Variants in POLR1E observed in about 807,000 individuals in gnomAD.
The protein encoded by POLR1E is RNA polymerase I subunit E, also known as DNA-directed RNA polymerase I subunit RPA49.
POLR1E carries 37 observed loss-of-function variants against 50.9 expected under a neutral mutation model. The observed-to-expected ratio is 0.73, with a 90% CI of 0.56 to 0.96. The LOEUF (loss-of-function observed/expected upper bound fraction) is 0.96, where lower values mean the gene tolerates loss of function less well. Ranked by LOEUF, POLR1E falls within the 40% of genes least tolerant of loss-of-function variation. The pLI is 0.00. For synonymous variants in POLR1E, 166 were observed against 191.6 expected (o/e 0.87, Z 1.10); for missense variants, 426 against 518.1 (o/e 0.82, Z 1.73).
chr9:37,495,389 C>T lies in POLR1E; in HGVS notation c.655+113C>T. ...TGTTCTGTGACATTCACAAGAGCTC[C>T]ATCCAAACCTTTGCAGTTGCTCAGT... On this transcript the variant is annotated intron_variant, in intron 7 of 11. Transcript: ENST00000377798. The T allele has an allele frequency of 7.8e-6, 7 of 900,654 alleles. No individual in the cohort carries two copies. In the South Asian group the frequency reaches 8.2e-5, roughly 11 times the overall value. 55.8% of individuals were successfully genotyped at this position (900,654 alleles called of 1,614,324 possible).
At chr9:37,500,800 G>T (rs1456380525) in intron 9 of POLR1E, 40 bp from the exon 10 acceptor site, 1 of 1,528,730 alleles carries the variant, frequency 6.5e-7, no homozygotes. Context: ...TGGCCTGAGG[G>T]TTTTGAGAGA....
chr9:37,486,431 C>T (rs1363062092), intron 1 of POLR1E: 39 of 1,538,236 alleles, frequency 2.5e-5, no homozygotes, highest in Non-Finnish European at 3.3e-5. Context: ...TTCCTTCTGT[C>T]ACTTTAGGTA....
intron 10 of POLR1E, 48 bp downstream of exon 10, chr9:37,500,969 GGGGGTT>G (rs758560751): frequency 1.7e-4 from 256 of 1,530,552 alleles, no homozygotes; most frequent in Non-Finnish European, 2.3e-4. Context: ...GAAAGTAGGT[GGGGGTT>G]GGGAGTGAGG....
At chr9:37,487,967 A>G in intron 3 of POLR1E, 28 bp downstream of exon 3, 1 of 1,610,188 alleles carries the variant, frequency 6.2e-7, no homozygotes, top group Non-Finnish European at 8.5e-7. Context: ...GACAGTGGGA[A>G]GGGTGATGGG....
chr9:37,495,152 G>T lies in POLR1E; in HGVS notation c.548-17G>T. The T allele has an allele frequency of 6.3e-7, 1 of 1,598,910 alleles. No individual in the cohort carries two copies. Among genetic ancestry groups the T allele is most frequent in the South Asian group, 1.1e-5 (1 of 90,768 alleles). On this transcript the variant is annotated splice_polypyrimidine_tract_variant and intron_variant, in intron 6 of 11. Coordinates refer to ENST00000377798, the MANE Select transcript of POLR1E (RefSeq NM_022490.4). ...AAACAAACAGGGTGATACATGGATT[G>T]TTTCTTTATTGAAAAGCTCTGGTCA...
intron 8 of POLR1E, among the ~76,000 whole-genome samples, chr9:37,497,073 C>T (rs146693313): frequency 1.3e-5 from 2 of 152,208 alleles, no homozygotes; most frequent in East Asian, 3.9e-4. Context: ...GAAACTTGCC[C>T]CGCTGGGCAC....
In POLR1E at chr9:37,486,841, C is replaced by T. The variant is rs756019119; in HGVS notation, c.180+35C>T. 6.3e-6 allele frequency: 10 copies of T among 1,580,808 alleles called. No homozygotes were observed. In the Admixed American group the frequency reaches 1.7e-4, roughly 27 times the overall value. The stretch of plus-strand genomic sequence containing the variant: ...GCAGTTGCCAGCTGTCTCCACTCTG[C>T]AGGGCTCAGAAGGCCCCTGGGAGTG... On this transcript the variant is annotated intron_variant, in intron 2 of 11. Coordinates refer to ENST00000377798, the MANE Select transcript of POLR1E (RefSeq NM_022490.4).
In POLR1E at chr9:37,495,381, A is replaced by G. The variant is rs147442165; in HGVS notation, c.655+105A>G. ...GGTGTCTGTGTTCTGTGACATTCAC[A>G]AGAGCTCCATCCAAACCTTTGCAGT... On this transcript the variant is annotated intron_variant, in intron 7 of 11. Coordinates refer to ENST00000377798, the MANE Select transcript of POLR1E (RefSeq NM_022490.4). 1.2e-4 allele frequency: 115 copies of G among 954,322 alleles called. No individual in the cohort carries two copies. In the East Asian group the frequency reaches 1.9e-3, roughly 16 times the overall value. 59.1% of individuals were successfully genotyped at this position (954,322 alleles called of 1,614,324 possible). A position where few individuals can be genotyped will look rare whatever the true frequency, so the allele number is the denominator to read the frequency against.
chr9:37,488,031 G>C, intron 3 of POLR1E, 92 bp downstream of exon 3: 2 of 1,315,856 alleles, frequency 1.5e-6, no homozygotes, highest in South Asian at 1.2e-5. Context: ...TTTAAGGGTA[G>C]CAGGAGCCAT....
chr9:37,503,182 A>G lies in POLR1E; in HGVS notation c.1240A>G (p.Lys414Glu), dbSNP rs1228147634. 6.2e-7 allele frequency: 1 copy of G among 1,610,166 alleles called. No homozygotes were observed. Among genetic ancestry groups the G allele is most frequent in the African/African-American group, 1.3e-5 (1 of 74,686 alleles). The change falls in exon 12 of 12, where the codon AAG (lysine) becomes GAG (glutamate). Residue 414 changes from lysine (K) to glutamate (E), a missense_variant. Coordinates refer to ENST00000377798, the MANE Select transcript of POLR1E (RefSeq NM_022490.4). ...AGCCCAGACCTCAGACCGCCTGGCA[A>G]AGCGGAGGAAGATTACCTAGACGCA... ...PPAQTSDRLAKRRKIT is the reference protein window; with the variant it reads ...PPAQTSDRLAERRKIT
chr9:37,488,633 C>T (rs1337096029), intron 3 of POLR1E, among the ~76,000 whole-genome samples: 1 of 152,128 alleles, frequency 6.6e-6, no homozygotes, highest in East Asian at 1.9e-4. Flanking sequence ...GTCTCCTCCC[C>T]GTTTACTTGA....
intron 4 of POLR1E, chr9:37,492,308 T>A (rs1447074879): frequency 7.7e-7 from 1 of 1,299,344 alleles, no homozygotes; most frequent in Admixed American, 2.3e-5. Context: ...GCAAAATTAT[T>A]TTCTGGAAAG....
At chr9:37,487,295 A>T (rs1472618282) in intron 2 of POLR1E, among the ~76,000 whole-genome samples, 1 of 152,210 alleles carries the variant, frequency 6.6e-6, no homozygotes. Context: ...GGGGAAGAGT[A>T]CAGGGCAGAG....
At chr9:37,486,367 C>A (rs970101659) in intron 1 of POLR1E, 89 of 1,477,694 alleles carry the variant, frequency 6.0e-5, no homozygotes, top group Middle Eastern at 6.0e-4. Flanking sequence ...TGCTGACCCC[C>A]TCACCCACCA....
At position 37,501,731 on chromosome 9, in the gene POLR1E, G is replaced by A. The variant is rs149664334; in HGVS notation, c.987G>A (p.Ser329=). The A allele has an allele frequency of 2.8e-4, 450 of 1,608,916 alleles. No homozygotes were observed. The African/African-American group carries it at 4.7e-3, about 17-fold the overall frequency. The change falls in exon 11 of 12, where the codon TCG becomes TCA. Residue 329 remains serine (S), a synonymous_variant. Transcript: ENST00000377798. ...TTTCTAGATTACGGAACTTAATTTC[G>A]GATTCTATGAAGGCGAAGATTACTG... is the stretch of plus-strand genomic sequence containing the variant. ...YNNGRLRNLI[S]DSMKAKITAY...
In POLR1E at chr9:37,501,739, T is replaced by C. The variant is rs1820893257; in HGVS notation, c.995T>C (p.Met332Thr). 1 of 1,612,096 alleles carries C rather than the reference T, an allele frequency of 6.2e-7. No homozygotes were observed. Among genetic ancestry groups the C allele is most frequent in the Non-Finnish European group, 8.5e-7 (1 of 1,179,608 alleles). ...TTACGGAACTTAATTTCGGATTCTA[T>C]GAAGGCGAAGATTACTGCATATGTG... is the stretch of plus-strand genomic sequence containing the variant. Reference protein sequence around the residue: ...GRLRNLISDSMKAKITAYVII... With the variant: ...GRLRNLISDSTKAKITAYVII... Residue 332 changes from methionine to threonine, a missense_variant, in exon 11 of 12, where the codon ATG becomes ACG. Met to Thr is a moderately conservative substitution (Grantham distance 81). Transcript: ENST00000377798.
intron 4 of POLR1E, chr9:37,490,550 TTCTG>T (rs1224720256): frequency 2.7e-6 from 2 of 731,878 alleles, no homozygotes; most frequent in African/African-American, 1.7e-5. Context: ...TCTCTTTTGC[TTCTG>T]TCTTTTTCTA....
At chr9:37,486,828 T>C (rs184722643) in intron 2 of POLR1E, 22 bp downstream of exon 2, 976 of 1,594,136 alleles carry the variant, frequency 6.1e-4, no homozygotes, top group Admixed American at 1.0e-3. Context: ...AGTTGCCAGC[T>C]GTCTCCACTC....
chr9:37,497,742 C>T (rs1820809457), intron 8 of POLR1E, among the ~76,000 whole-genome samples: 1 of 152,104 alleles, frequency 6.6e-6, no homozygotes, highest in African/African-American at 2.4e-5. Context: ...TGTACTGGCC[C>T]TTCATCAGCT....
Sources: allele counts gnomAD v4.1 joint callset (sites outside exome capture counted in the v4.1 genomes callset), GRCh38; gene constraint gnomAD v4.1.1; transcripts MANE v1.5; gene names NCBI Gene and HGNC (gene_info 2026-07-23, HGNC 2026-07-21).